KCNQ5: variants seen among roughly 807,000 people sequenced by gnomAD.
The protein encoded by KCNQ5 is potassium voltage-gated channel subfamily KQT member 5.
In KCNQ5, 30 loss-of-function variants were observed where a neutral mutation model predicts 98.2. That is an observed-to-expected ratio of 0.31 (90% confidence interval 0.23 to 0.41). KCNQ5 has a LOEUF of 0.41. Ranked by LOEUF, KCNQ5 falls within the 10% of genes least tolerant of loss-of-function variation. KCNQ5 has a pLI of 1.00. For missense variants in KCNQ5, 835 were observed against 1,182.5 expected, an observed-to-expected ratio of 0.71 and a Z score of 4.31; for synonymous variants, 458 against 449.4, an observed-to-expected ratio of 1.02 and a Z score of -0.24.
intron 1 of KCNQ5, among the ~76,000 whole-genome samples, chr6:72,733,889 A>G (rs1770685842): frequency 6.6e-6 from 1 of 152,188 alleles, no homozygotes; most frequent in Admixed American, 6.5e-5. Flanking sequence ...CCACGTGGCT[A>G]TGTCATTTTC....
intron 1 of KCNQ5, among the ~76,000 whole-genome samples, chr6:72,754,158 T>C (rs557940902): frequency 8.5e-5 from 13 of 152,274 alleles, no homozygotes; most frequent in African/African-American, 3.1e-4. Flanking sequence ...ACTTATAGGT[T>C]AACTTAAGGT....
rs1338948040 is a variant in KCNQ5 at position 73,195,397 on chromosome 6, C to A, written c.2782C>A (p.His928Asn). Reference protein sequence around the residue: ...GESTDALSLPHVKLK With the variant: ...GESTDALSLPNVKLK ...AAGTACAGATGCCCTCAGCTTGCCT[C>A]ATGTCAAACTGAAATAAGTTCTTCA... Residue 928 changes from histidine to asparagine, a missense_variant, in exon 14 of 14, where the codon CAT becomes AAT. Physicochemically the swap from His to Asn is moderately conservative, Grantham distance 68. This residue lies in a region of KCNQ5 where 416 missense variants were observed against 446.9 expected (regional missense o/e 0.93). Transcript: ENST00000370398. 3 of 1,612,760 alleles carry A rather than the reference C, an allele frequency of 1.9e-6. No individual in the cohort carries two copies. In the East Asian group the frequency reaches 6.7e-5, roughly 36 times the overall value.
At chr6:72,780,865 T>C (rs1773428410) in intron 1 of KCNQ5, among the ~76,000 whole-genome samples, 1 of 152,148 alleles carries the variant, frequency 6.6e-6, no homozygotes, top group South Asian at 2.1e-4. Flanking sequence ...ACTATGTAAG[T>C]GATTTTCTTA....
intron 5 of KCNQ5, among the ~76,000 whole-genome samples, chr6:73,087,203 G>A (rs192156790): frequency 3.3e-5 from 5 of 152,310 alleles, no homozygotes; most frequent in African/African-American, 9.6e-5. Flanking sequence ...GGCTACTATA[G>A]CAGCCTGGTC....
chr6:73,179,634 A>AC (rs1778335705), intron 11 of KCNQ5, among the ~76,000 whole-genome samples: 1 of 152,162 alleles, frequency 6.6e-6, no homozygotes, highest in African/African-American at 2.4e-5. Flanking sequence ...AGGGGGAGAA[A>AC]CCCACATCCA....
At chr6:72,927,146 G>A (rs753873567) in intron 1 of KCNQ5, among the ~76,000 whole-genome samples, 1 of 152,170 alleles carries the variant, frequency 6.6e-6, no homozygotes, top group African/African-American at 2.4e-5. Context: ...GCCCACTGGG[G>A]CATGAGGGGG....
chr6:73,118,791 G>A (rs1345829242), intron 7 of KCNQ5, among the ~76,000 whole-genome samples: 2 of 152,276 alleles, frequency 1.3e-5, no homozygotes, highest in Admixed American at 1.3e-4. Flanking sequence ...GGAGGCCGAG[G>A]TGGCAGATCA....
At chr6:72,626,331 A>T (rs1486598899) in intron 1 of KCNQ5, among the ~76,000 whole-genome samples, 1 of 152,248 alleles carries the variant, frequency 6.6e-6, no homozygotes, top group Admixed American at 6.5e-5. Context: ...GCATAGCAGG[A>T]GGGAATGAAC....
chr6:73,060,354 C>T lies in KCNQ5; in HGVS notation c.617-16968C>T, dbSNP rs75053922. Among the ~76,000 whole-genome samples the T allele has an allele frequency of 9.0e-3, 1,371 of 152,222 alleles. 9 individuals carry two copies. The highest frequency in any genetic ancestry group is 0.05 in the East Asian group (258 of 5,180). On this transcript the variant is annotated intron_variant, in intron 3 of 13. Coordinates refer to ENST00000370398, the MANE Select transcript of KCNQ5 (RefSeq NM_019842.4). ...TAAGAAATGCTGGAATAATTAATTA[C>T]TCATTTGGAAAAAATTAAAGCTGTA...
chr6:72,823,709 C>A (rs1280705104), intron 1 of KCNQ5, among the ~76,000 whole-genome samples: 2 of 152,104 alleles, frequency 1.3e-5, no homozygotes, highest in African/African-American at 4.8e-5. Context: ...TTCTGTGACA[C>A]CCCCGAAGTT....
intron 10 of KCNQ5, among the ~76,000 whole-genome samples, chr6:73,147,221 G>A (rs1180191921): frequency 6.6e-6 from 1 of 152,030 alleles, no homozygotes; most frequent in East Asian, 1.9e-4. Flanking sequence ...AAGATATAAT[G>A]TGTGTAAAAT....
intron 1 of KCNQ5, among the ~76,000 whole-genome samples, chr6:72,731,242 C>T (rs907293986): frequency 6.6e-6 from 1 of 152,086 alleles, no homozygotes; most frequent in Non-Finnish European, 1.5e-5. Flanking sequence ...TCATCCCATC[C>T]AAGGAAAGCC....
intron 2 of KCNQ5, among the ~76,000 whole-genome samples, chr6:73,012,584 C>A (rs550800357): frequency 2.5e-4 from 38 of 152,008 alleles, no homozygotes; most frequent in South Asian, 6.2e-4. Context: ...GTATTTAATA[C>A]CACACTGAAC....
At chr6:72,734,363 C>T (rs1261330015) in intron 1 of KCNQ5, among the ~76,000 whole-genome samples, 1 of 151,882 alleles carries the variant, frequency 6.6e-6, no homozygotes, top group African/African-American at 2.4e-5. Context: ...GCTCTGTCTC[C>T]CAGGCTGGAG....
chr6:72,955,920 T>TCAAAACAAAA (rs550603727), intron 1 of KCNQ5, among the ~76,000 whole-genome samples: 6 of 151,808 alleles, frequency 4.0e-5, no homozygotes, highest in African/African-American at 1.2e-4. Flanking sequence ...AGACTCCATC[T>TCAAAACAAAA]CAAAACAAAA....
chr6:72,648,564 G>C (rs964380796), intron 1 of KCNQ5, among the ~76,000 whole-genome samples: 5 of 151,808 alleles, frequency 3.3e-5, no homozygotes, highest in Non-Finnish European at 7.4e-5. Context: ...ATATTACTTA[G>C]ACCAGCATAC....
intron 11 of KCNQ5, among the ~76,000 whole-genome samples, chr6:73,180,562 G>C (rs1035971618): frequency 1.3e-5 from 2 of 152,116 alleles, no homozygotes; most frequent in Non-Finnish European, 2.9e-5. Context: ...CTTTGCATGA[G>C]AGCAGGGATT....
At chr6:72,821,490 T>G (rs1775748380) in intron 1 of KCNQ5, among the ~76,000 whole-genome samples, 1 of 152,172 alleles carries the variant, frequency 6.6e-6, no homozygotes, top group Non-Finnish European at 1.5e-5. Flanking sequence ...TAGTTCTTGT[T>G]ACTATGGAAG....
intron 5 of KCNQ5, among the ~76,000 whole-genome samples, chr6:73,083,476 A>G (rs1773860797): frequency 6.6e-6 from 1 of 152,168 alleles, no homozygotes; most frequent in African/African-American, 2.4e-5. Flanking sequence ...TTTATGCACC[A>G]CTAAAAAAAA....
Sources: allele counts gnomAD v4.1 joint callset (sites outside exome capture counted in the v4.1 genomes callset), GRCh38; gene constraint gnomAD v4.1.1; regional missense constraint gnomAD v4.1.1; transcripts MANE v1.5; gene names NCBI Gene and HGNC (gene_info 2026-07-23, HGNC 2026-07-21).